PTPRZ1: variants seen among roughly 807,000 people sequenced by gnomAD.
PTPRZ1 encodes receptor-type tyrosine-protein phosphatase zeta.
In PTPRZ1, 82 loss-of-function variants were observed where a neutral mutation model predicts 214.1. The ratio of observed to expected loss-of-function variants is 0.38; its 90% confidence interval spans 0.32 to 0.46. PTPRZ1 has a LOEUF of 0.46. Ranked by LOEUF, PTPRZ1 falls within the 20% of genes least tolerant of loss-of-function variation. The probability of loss-of-function intolerance (pLI) is 1.00; values close to 1 mark genes in which losing one functional copy is unlikely to be tolerated. For synonymous variants in PTPRZ1, 945 were observed against 987.9 expected, an observed-to-expected ratio of 0.96 and a Z score of 0.81; for missense variants, 2,603 against 2,748.7, an observed-to-expected ratio of 0.95 and a Z score of 1.19.
intron 14 of PTPRZ1, among the ~76,000 whole-genome samples, chr7:122,030,825 C>T (rs1444271254): frequency 1.3e-5 from 2 of 151,926 alleles, no homozygotes; most frequent in East Asian, 1.9e-4. Context: ...AATTTGGCCC[C>T]TTCACAATTA....
chr7:122,033,698 A>T (rs1799453719), intron 15 of PTPRZ1, among the ~76,000 whole-genome samples: 2 of 152,084 alleles, frequency 1.3e-5, no homozygotes, highest in African/African-American at 4.8e-5. Flanking sequence ...AAATAAAAAC[A>T]AAAAAGCACA....
intron 1 of PTPRZ1, among the ~76,000 whole-genome samples, chr7:121,900,012 C>G (rs1456357953): frequency 2.0e-5 from 3 of 152,164 alleles, no homozygotes; most frequent in Non-Finnish European, 4.4e-5. Flanking sequence ...TCAATAGATA[C>G]TCTCATGGCT....
At chr7:121,915,507 G>A (rs1171141397) in intron 1 of PTPRZ1, among the ~76,000 whole-genome samples, 1 of 152,056 alleles carries the variant, frequency 6.6e-6, no homozygotes, top group South Asian at 2.1e-4. Context: ...TAAAAAACAA[G>A]GTAGTTTAAA....
chr7:122,012,910 T>C lies in PTPRZ1; in HGVS notation c.3864T>C (p.Ser1288=), dbSNP rs139671030. 882 of 1,614,156 alleles carry C rather than the reference T, an allele frequency of 5.5e-4. 4 individuals are homozygous for C. The African/African-American group carries it at 0.011, about 19-fold the overall frequency. Residue 1288 remains serine, a synonymous_variant, in exon 12 of 30, where the codon AGT becomes AGC. Transcript: ENST00000393386. ...SSHQVVPSLY[S]NDELFQTANL... ...ACCAAGTGGTACCTTCTTTGTACAGTAATGATGAGTTGTTCCAAACGGCCA... is the reference window on the plus strand; with the variant it reads ...ACCAAGTGGTACCTTCTTTGTACAGCAATGATGAGTTGTTCCAAACGGCCA...
intron 8 of PTPRZ1, among the ~76,000 whole-genome samples, chr7:121,995,227 A>G (rs1584723124): frequency 6.6e-6 from 1 of 152,188 alleles, no homozygotes; most frequent in African/African-American, 2.4e-5. Context: ...AGTTGTTAAC[A>G]TATTTTTGAG....
At chr7:121,894,698 A>G (rs973445465) in intron 1 of PTPRZ1, among the ~76,000 whole-genome samples, 2 of 152,150 alleles carry the variant, frequency 1.3e-5, no homozygotes, top group African/African-American at 4.8e-5. Flanking sequence ...GAGCCACCAC[A>G]CCTGGTCCTA....
At chr7:121,982,936 C>G (rs1430097618) in intron 6 of PTPRZ1, among the ~76,000 whole-genome samples, 2 of 152,118 alleles carry the variant, frequency 1.3e-5, no homozygotes, top group African/African-American at 4.8e-5. Context: ...TGCCACCATG[C>G]CCAGCTAATT....
chr7:122,011,894 G>T lies in PTPRZ1; in HGVS notation c.2848G>T (p.Val950Leu). Residue 950 changes from valine to leucine, a missense_variant, in exon 12 of 30, where the codon GTG (valine) becomes TTG (leucine). Val to Leu is a conservative substitution (Grantham distance 32, BLOSUM62 1). Transcript: ENST00000393386. ...TGTTTCTTACAGTTCTGCAATACCT[G>T]TGCATGATTCTGTGGGTGTAACTTA... is the stretch of plus-strand genomic sequence containing the variant. Reference protein sequence around the residue: ...FTVSYSSAIPVHDSVGVTYQG... With the variant: ...FTVSYSSAIPLHDSVGVTYQG... 1.2e-6 allele frequency: 2 copies of T among 1,614,162 alleles called. No individual in the cohort carries two copies. The highest frequency in any genetic ancestry group is 1.7e-6 in the Non-Finnish European group (2 of 1,179,996).
At chr7:121,981,594 C>T (rs1452686485) in intron 6 of PTPRZ1, among the ~76,000 whole-genome samples, 1 of 152,170 alleles carries the variant, frequency 6.6e-6, no homozygotes, top group Admixed American at 6.5e-5. Flanking sequence ...CAAGGTATTG[C>T]TATTGGTAAG....
chr7:121,982,051 A>T (rs150043434), intron 6 of PTPRZ1, among the ~76,000 whole-genome samples: 3 of 152,224 alleles, frequency 2.0e-5, no homozygotes, highest in Non-Finnish European at 4.4e-5. Flanking sequence ...ATCTGCAATC[A>T]GTTTAGAACT....
chr7:121,936,258 A>G (rs1481883287), intron 2 of PTPRZ1, among the ~76,000 whole-genome samples: 2 of 152,226 alleles, frequency 1.3e-5, no homozygotes, highest in African/African-American at 4.8e-5. Context: ...AATTTTTATT[A>G]AGTGAAGCAT....
intron 2 of PTPRZ1, among the ~76,000 whole-genome samples, chr7:121,967,442 G>C (rs780415546): frequency 7.9e-5 from 12 of 152,172 alleles, no homozygotes; most frequent in Admixed American, 1.3e-4. Context: ...TACTTTTATG[G>C]AGAGTGTTGA....
intron 17 of PTPRZ1, among the ~76,000 whole-genome samples, chr7:122,034,987 T>C (rs1799492347): frequency 6.6e-6 from 1 of 152,188 alleles, no homozygotes; most frequent in Admixed American, 6.5e-5. Context: ...TGTCTTCTTA[T>C]AGCACTTCTG....
chr7:122,038,538 A>G (rs1168983548), intron 18 of PTPRZ1, among the ~76,000 whole-genome samples: 1 of 149,332 alleles, frequency 6.7e-6, no homozygotes, highest in Middle Eastern at 3.4e-3. Flanking sequence ...TTTTTTTACA[A>G]AAATGATAGG....
At chr7:122,041,073 A>G in intron 21 of PTPRZ1, 94 bp downstream of exon 21, 1 of 1,130,786 alleles carries the variant, frequency 8.8e-7, no homozygotes, top group African/African-American at 1.6e-5. Flanking sequence ...AATGGGAATG[A>G]TTTCTTGAAA....
rs780019717 is a variant in PTPRZ1, at chr7:122,051,945, T to C, written c.6252+6T>C. 7.5e-6 allele frequency: 12 copies of C among 1,590,942 alleles called. No individual in the cohort carries two copies. The African/African-American group carries it at 1.1e-4, about 15-fold the overall frequency. On this transcript the variant is annotated splice_donor_region_variant and intron_variant, in intron 25 of 29. Transcript: ENST00000393386. Reference sequence around the variant, plus strand: ...TCAATGCCTCCTATATCATGGTAAGTCAGAGAAGTCACTGAGGAGACTGCC... The same window carrying C: ...TCAATGCCTCCTATATCATGGTAAGCCAGAGAAGTCACTGAGGAGACTGCC...
At chr7:121,939,943 T>C (rs566819122) in intron 2 of PTPRZ1, among the ~76,000 whole-genome samples, 1 of 152,148 alleles carries the variant, frequency 6.6e-6, no homozygotes, top group Non-Finnish European at 1.5e-5. Flanking sequence ...AAAGCATAAA[T>C]AGGAGTTAAA....
intron 1 of PTPRZ1, among the ~76,000 whole-genome samples, chr7:121,879,641 C>A (rs1437684167): frequency 6.6e-6 from 1 of 152,102 alleles, no homozygotes; most frequent in Admixed American, 6.5e-5. Context: ...AATATTTGAA[C>A]TGAGTTGAAT....
intron 1 of PTPRZ1, among the ~76,000 whole-genome samples, chr7:121,905,753 TA>T (rs1223155770): frequency 6.6e-6 from 1 of 151,968 alleles, no homozygotes; most frequent in African/African-American, 2.4e-5. Context: ...AGACCTGCTG[TA>T]AAAATACAGT....
Sources: gnomAD v4.1 joint callset for allele counts (sites outside exome capture counted in the v4.1 genomes callset) on GRCh38, gnomAD v4.1.1 for gene constraint, MANE v1.5 for transcripts, NCBI Gene and HGNC (gene_info 2026-07-23, HGNC 2026-07-21) for gene names.